MRTFA: variants seen among roughly 807,000 people sequenced by gnomAD.
MRTFA encodes myocardin-related transcription factor A.
Under a neutral mutation model 83.5 loss-of-function variants are expected in MRTFA, and 20 were observed. The observed-to-expected ratio is 0.24, with a 90% CI of 0.17 to 0.35. The LOEUF (loss-of-function observed/expected upper bound fraction) is 0.35. MRTFA is among the 10% of genes least tolerant of loss of function. MRTFA has a pLI of 1.00. For missense variants in MRTFA, 1,200 were observed against 1,224.7 expected (o/e 0.98, Z 0.30); for synonymous variants, 659 against 541.2 (o/e 1.22, Z -3.02).
chr22:40,566,110 G>C (rs2055699381), intron 2 of MRTFA, among the ~76,000 whole-genome samples: 1 of 152,158 alleles, frequency 6.6e-6, no homozygotes, highest in Non-Finnish European at 1.5e-5. Flanking sequence ...TTGGTATCTT[G>C]AAGGAACTAA....
intron 3 of MRTFA, among the ~76,000 whole-genome samples, chr22:40,521,485 A>T (rs1024763447): frequency 6.6e-6 from 1 of 152,000 alleles, no homozygotes; most frequent in Non-Finnish European, 1.5e-5. Flanking sequence ...AGTATCCCAC[A>T]GCCTGAATTA....
intron 3 of MRTFA, among the ~76,000 whole-genome samples, chr22:40,548,307 C>T (rs1016375937): frequency 7.7e-6 from 1 of 129,704 alleles, no homozygotes; most frequent in Non-Finnish European, 1.5e-5. Context: ...TGCCGTGAGC[C>T]GAGATCACGC....
intron 2 of MRTFA, among the ~76,000 whole-genome samples, chr22:40,590,680 G>GAAAAAAAAAAAA (rs56366993): frequency 3.7e-5 from 3 of 81,358 alleles, no homozygotes; most frequent in Non-Finnish European, 2.5e-5. Context: ...CTCAAAAAAA[G>GAAAAAAAAAAAA]AAAAAAAAAA....
intron 1 of MRTFA, among the ~76,000 whole-genome samples, chr22:40,620,638 G>C (rs1008322240): frequency 6.6e-6 from 1 of 152,020 alleles, no homozygotes; most frequent in Non-Finnish European, 1.5e-5. Context: ...AGAAAGTCAA[G>C]CATGTTGCAG....
chr22:40,456,006 T>C (rs2147138051), intron 4 of MRTFA, among the ~76,000 whole-genome samples: 1 of 152,098 alleles, frequency 6.6e-6, no homozygotes, highest in Non-Finnish European at 1.5e-5. Context: ...TGTGTATTTT[T>C]AGTAGAGACT....
At chr22:40,635,594 A>C (rs972263475) in intron 1 of MRTFA, among the ~76,000 whole-genome samples, 5 of 152,220 alleles carry the variant, frequency 3.3e-5, no homozygotes, top group Non-Finnish European at 7.3e-5. Flanking sequence ...GCTGCATAAC[A>C]GGGAGACAAC....
chr22:40,484,532 T>C (rs1265191165), intron 3 of MRTFA, among the ~76,000 whole-genome samples: 1 of 152,208 alleles, frequency 6.6e-6, no homozygotes, highest in Non-Finnish European at 1.5e-5. Flanking sequence ...GAAGAGTTCA[T>C]GTTATAAGTA....
At chr22:40,424,131 G>A in intron 8 of MRTFA, 75 bp downstream of exon 8, 1 of 1,436,610 alleles carries the variant, frequency 7.0e-7, no homozygotes. Context: ...GCATCCCGTG[G>A]CCCAGGAGAG....
intron 3 of MRTFA, among the ~76,000 whole-genome samples, chr22:40,473,882 T>C (rs532091334): frequency 3.9e-5 from 6 of 152,298 alleles, no homozygotes; most frequent in African/African-American, 1.4e-4. Context: ...TTCAGAACAC[T>C]CACCAGTTTC....
chr22:40,441,189 G>A (rs946399494), intron 4 of MRTFA, among the ~76,000 whole-genome samples: 1 of 152,184 alleles, frequency 6.6e-6, no homozygotes, highest in Non-Finnish European at 1.5e-5. Flanking sequence ...TGGAGCTCTT[G>A]TGTGGCTTTG....
At chr22:40,492,244 T>TGCAAA (rs2054283357) in intron 3 of MRTFA, among the ~76,000 whole-genome samples, 1 of 152,188 alleles carries the variant, frequency 6.6e-6, no homozygotes. Flanking sequence ...TAAGTTAAAG[T>TGCAAA]GGGCACTTCA....
At chr22:40,435,393 T>TG (rs1334026075) in intron 5 of MRTFA, 106 bp downstream of exon 5, 51 of 1,245,154 alleles carry the variant, frequency 4.1e-5, no homozygotes. Context: ...TAGCAGGCTC[T>TG]GGCCTCAGAG....
intron 1 of MRTFA, among the ~76,000 whole-genome samples, chr22:40,608,120 G>A (rs769771350): frequency 6.6e-6 from 1 of 152,132 alleles, no homozygotes; most frequent in Admixed American, 6.5e-5. Flanking sequence ...CGCCTCCTGG[G>A]TTCAAGCGAC....
intron 5 of MRTFA, among the ~76,000 whole-genome samples, chr22:40,432,666 C>T (rs2053091290): frequency 2.1e-5 from 3 of 140,236 alleles, no homozygotes; most frequent in African/African-American, 2.8e-5. Flanking sequence ...AAGGTAAAGA[C>T]TGGAAAAAAA....
intron 4 of MRTFA, among the ~76,000 whole-genome samples, chr22:40,457,345 G>C (rs925888516): frequency 6.6e-6 from 1 of 151,478 alleles, no homozygotes; most frequent in Non-Finnish European, 1.5e-5. Context: ...AATCCAGCCT[G>C]GGAGAGCAAG....
At chr22:40,528,938 ATTC>A (rs544767796) in intron 3 of MRTFA, among the ~76,000 whole-genome samples, 163 of 152,202 alleles carry the variant, frequency 1.1e-3, no homozygotes, top group African/African-American at 3.8e-3. Flanking sequence ...TTCCAAGACA[ATTC>A]TTCTTCTTCC....
intron 2 of MRTFA, among the ~76,000 whole-genome samples, chr22:40,576,195 A>AT (rs1333645097): frequency 5.0e-4 from 75 of 150,950 alleles, no homozygotes; most frequent in Admixed American, 4.4e-3. Context: ...CGCTCAGCTA[A>AT]TTTTTTTTTA....
At chr22:40,573,387 TGGGACTACAG>T (rs973555690) in intron 2 of MRTFA, among the ~76,000 whole-genome samples, 6 of 152,162 alleles carry the variant, frequency 3.9e-5, no homozygotes, top group Middle Eastern at 6.3e-3. Flanking sequence ...CCCAAGTAGC[TGGGACTACAG>T]GTATATGCCA....
At chr22:40,625,191 A>C (rs1421851928) in intron 1 of MRTFA, among the ~76,000 whole-genome samples, 1 of 152,156 alleles carries the variant, frequency 6.6e-6, no homozygotes, top group Non-Finnish European at 1.5e-5. Flanking sequence ...GAATCTATAA[A>C]ATAGAATAAA....
Sources: gnomAD v4.1 joint callset for allele counts (sites outside exome capture counted in the v4.1 genomes callset) on GRCh38, gnomAD v4.1.1 for gene constraint, MANE v1.5 for transcripts, NCBI Gene and HGNC (gene_info 2026-07-23, HGNC 2026-07-21) for gene names.